The following HDAC6 variants were observed in gnomAD, a reference collection of about 807,000 sequenced individuals.
HDAC6 encodes protein deacetylase HDAC6.
In HDAC6, 5 loss-of-function variants were observed where a neutral mutation model predicts 88.9. That is an observed-to-expected ratio of 0.06 (90% confidence interval 0.03 to 0.12). HDAC6 has a LOEUF of 0.12. Ranked by LOEUF, HDAC6 falls within the 10% of genes least tolerant of loss-of-function variation. The pLI is 1.00. For missense variants in HDAC6, 706 were observed against 1,014.4 expected, an observed-to-expected ratio of 0.70 and a Z score of 4.13; for synonymous variants, 378 against 398.0, an observed-to-expected ratio of 0.95 and a Z score of 0.60.
intron 6 of HDAC6, 181 bp downstream of exon 6, chrX:48,805,852 G>T: frequency 6.6e-6 from 3 of 454,011 alleles, no homozygotes; most frequent in Non-Finnish European, 1.2e-5. Context: ...AGTTCCTCAG[G>T]AGAGTTTGAT....
intron 8 of HDAC6, 111 bp from the exon 9 acceptor site, chrX:48,807,922 C>A: frequency 1.9e-6 from 1 of 526,334 alleles, no homozygotes; most frequent in Non-Finnish European, 3.2e-6. Flanking sequence ...GATTTTTAGG[C>A]ATCAGCATTA....
intron 23 of HDAC6, 143 bp downstream of exon 23, chrX:48,820,398 C>A: frequency 2.0e-6 from 1 of 512,335 alleles, no homozygotes; most frequent in Non-Finnish European, 3.1e-6. Flanking sequence ...ATAAGAATAA[C>A]AGCAACATTA....
rs2062977429 is a variant in HDAC6 at position 48,815,915 on chromosome X, G to A, written c.1356G>A (p.Glu452=). 8.3e-7 allele frequency: 1 copy of A among 1,211,246 alleles called. No homozygotes were observed. The highest frequency in any genetic ancestry group is 1.1e-6 in the Non-Finnish European group (1 of 895,200). ...CCGTGGAGAGGGACAACATGGAGGA[G>A]GACAATGTAGAGGAGAGCGAGGAGG... ...TETVERDNME[E]DNVEESEEEG... is the part of the protein sequence containing the mutation. Residue 452 remains glutamate, a synonymous_variant, in exon 17 of 29, where the codon GAG becomes GAA. Transcript: ENST00000334136.
chrX:48,817,502 G>T (rs782501423), intron 20 of HDAC6, 43 bp downstream of exon 20: 4 of 1,142,132 alleles, frequency 3.5e-6, no homozygotes, highest in Non-Finnish European at 4.7e-6. Context: ...ATCCTTGTGG[G>T]GACCTGGATG....
Position 48,822,940 on chromosome X carries a change from T to A in HDAC6, c.2541T>A (p.Ser847Arg). 8.3e-7 allele frequency: 1 copy of A among 1,197,888 alleles called. No homozygotes were observed. The highest frequency in any genetic ancestry group is 1.8e-5 in the South Asian group (1 of 54,643). The stretch of plus-strand genomic sequence containing the variant: ...TAGAAGACAGAGAAGGACCCTCCAG[T>A]TCTAAGTTGGTCACCAAGAAGGCAC... ...MKVEDREGPS[S>R]SKLVTKKAPQ... The change falls in exon 25 of 29, where the codon AGT becomes AGA. Residue 847 changes from serine (S) to arginine (R), a missense_variant. Around this residue, in one of 9 missense-constraint regions of HDAC6, gnomAD observed 138 missense variants for 303.5 expected, o/e 0.45. Transcript: ENST00000334136.
chrX:48,821,162 A>G (rs1387961056), intron 23 of HDAC6, among the ~76,000 whole-genome samples: 1 of 110,200 alleles, frequency 9.1e-6, no homozygotes, highest in Non-Finnish European at 1.9e-5. Context: ...TGCGTTGTTC[A>G]GATATTAACC....
Position 48,822,939 on chromosome X carries a change from G to A in HDAC6, c.2540G>A (p.Ser847Asn), listed in dbSNP as rs782353504. 2 of 1,196,956 alleles carry A rather than the reference G, an allele frequency of 1.7e-6. No individual in the cohort carries two copies. Among genetic ancestry groups the A allele is most frequent in the Admixed American group, 2.2e-5 (1 of 44,538 alleles). Residue 847 changes from serine to asparagine, a missense_variant, in exon 25 of 29, where the codon AGT becomes AAT. Physicochemically the swap from Ser to Asn is conservative, Grantham distance 46. Around this residue, in one of 9 missense-constraint regions of HDAC6, gnomAD observed 138 missense variants for 303.5 expected, o/e 0.45. Transcript: ENST00000334136. ...GTAGAAGACAGAGAAGGACCCTCCA[G>A]TTCTAAGTTGGTCACCAAGAAGGCA... Reference protein sequence around the residue: ...MKVEDREGPSSSKLVTKKAPQ... With the variant: ...MKVEDREGPSNSKLVTKKAPQ...
intron 10 of HDAC6, among the ~76,000 whole-genome samples, chrX:48,809,754 A>C (rs2062870882): frequency 9.1e-6 from 1 of 109,565 alleles, no homozygotes; most frequent in Non-Finnish European, 1.9e-5. Flanking sequence ...GTGAGCTGAG[A>C]TCGCACCACT....
At chrX:48,818,606 C>T (rs2063029693) in intron 22 of HDAC6, among the ~76,000 whole-genome samples, 194 bp downstream of exon 22, 1 of 112,338 alleles carries the variant, frequency 8.9e-6, no homozygotes, top group Non-Finnish European at 1.9e-5. Context: ...GATGGCTGTA[C>T]ATGACTGCCT....
Position 48,821,408 on chromosome X carries a change from G to A in HDAC6, c.2337+1153G>A, listed in dbSNP as rs1198821902. Among the ~76,000 whole-genome samples, 5 of 106,854 alleles carry A rather than the reference G, an allele frequency of 4.7e-5. No individual in the cohort carries two copies. The Admixed American group carries it at 5.0e-4, about 11-fold the overall frequency. The allele number at this position is 106,854 out of a possible 115,157, so 92.8% of individuals were successfully genotyped here. ...GGGTTTCACCATGTTGGCCAGGCTG[G>A]TGTTGAACTCCTGACCTCGTGATCC... On this transcript the variant is annotated intron_variant, in intron 23 of 28. Transcript: ENST00000334136.
At chrX:48,805,563 G>A in intron 5 of HDAC6, 41 bp downstream of exon 5, 1 of 1,180,893 alleles carries the variant, frequency 8.5e-7, no homozygotes, top group South Asian at 1.8e-5. Flanking sequence ...AGGGCAGGGA[G>A]CTGACCTGAC....
chrX:48,808,211 T>G, intron 9 of HDAC6, 47 bp from the exon 10 acceptor site: 1 of 1,163,752 alleles, frequency 8.6e-7, no homozygotes, highest in East Asian at 3.0e-5. Context: ...TCCCCCAGAT[T>G]CACCTTGATC....
At chrX:48,815,135 C>T (rs1443668099) in intron 14 of HDAC6, 84 bp downstream of exon 14, 1 of 809,629 alleles carries the variant, frequency 1.2e-6, no homozygotes, top group Non-Finnish European at 1.8e-6. Context: ...GAGTTCCTGG[C>T]CCAGGAATTC....
chrX:48,824,532 C>T lies in HDAC6; in HGVS notation c.3580-12C>T. ...CTCTCTCTCACCTGCCCTATTCTTG[C>T]CTCCTCCTCAGGCTCTCCTAGATGT... is the stretch of plus-strand genomic sequence containing the variant. On this transcript the variant is annotated splice_polypyrimidine_tract_variant and intron_variant, in intron 28 of 28. Coordinates refer to ENST00000334136, the MANE Select transcript of HDAC6 (RefSeq NM_006044.4). 8.3e-7 allele frequency: 1 copy of T among 1,204,709 alleles called. No individual in the cohort carries two copies. Among genetic ancestry groups the T allele is most frequent in the Non-Finnish European group, 1.1e-6 (1 of 889,857 alleles).
chrX:48,813,609 T>G (rs1160197457), intron 10 of HDAC6: 1 of 112,300 alleles, frequency 8.9e-6, no homozygotes, highest in African/African-American at 3.2e-5. Flanking sequence ...CCAGTCAGAA[T>G]TAAGCCCTCC....
chrX:48,809,526 C>A (rs950359965), intron 10 of HDAC6, among the ~76,000 whole-genome samples: 1 of 111,173 alleles, frequency 9.0e-6, no homozygotes, highest in Non-Finnish European at 1.9e-5. Flanking sequence ...ATTTTAGGGC[C>A]GGGTGAAGTA....
intron 10 of HDAC6, among the ~76,000 whole-genome samples, chrX:48,810,463 A>G (rs149359047): frequency 0.015 from 1,654 of 108,818 alleles, 16 homozygotes; most frequent in Middle Eastern, 0.047. Flanking sequence ...CTTTTCTTAA[A>G]CTCTTGGAAA....
intron 23 of HDAC6, 121 bp from the exon 24 acceptor site, chrX:48,822,498 TC>T: frequency 2.0e-6 from 1 of 490,078 alleles, no homozygotes; most frequent in Non-Finnish European, 3.4e-6. Flanking sequence ...TTCTCAGTAC[TC>T]CCCCTCCCTC....
intron 10 of HDAC6, 35 bp downstream of exon 10, chrX:48,808,361 C>T (rs1557025088): frequency 9.4e-7 from 1 of 1,061,030 alleles, no homozygotes; most frequent in South Asian, 2.0e-5. Context: ...GCTAGACTCC[C>T]AGCCACCTCC....
Sources: allele counts gnomAD v4.1 joint callset (sites outside exome capture counted in the v4.1 genomes callset), GRCh38; gene constraint gnomAD v4.1.1; regional missense constraint gnomAD v4.1.1; transcripts MANE v1.5; gene names NCBI Gene and HGNC (gene_info 2026-07-23, HGNC 2026-07-21).